Variants in LRRC40 observed in about 807,000 individuals in gnomAD.
LRRC40 encodes leucine rich repeat containing 40, also known as leucine-rich repeat-containing protein 40.
Under a neutral mutation model 72.8 loss-of-function variants are expected in LRRC40, and 76 were observed. That is an observed-to-expected ratio of 1.04 (90% CI 0.87 to 1.26). LRRC40 has a LOEUF of 1.26. Ranked by LOEUF, LRRC40 falls within the 50% of genes most tolerant of loss-of-function variation. LRRC40 has a pLI of 0.00. For missense variants in LRRC40, 684 were observed against 698.9 expected, an observed-to-expected ratio of 0.98 and a Z score of 0.24; for synonymous variants, 243 against 254.2, an observed-to-expected ratio of 0.96 and a Z score of 0.42.
intron 6 of LRRC40, among the ~76,000 whole-genome samples, chr1:70,178,061 T>G (rs1668148832): frequency 6.6e-6 from 1 of 152,234 alleles, no homozygotes; most frequent in African/African-American, 2.4e-5. Flanking sequence ...ACAAATTATG[T>G]GTTAACCATT....
At chr1:70,195,317 G>A (rs747244644) in intron 1 of LRRC40, among the ~76,000 whole-genome samples, 48 of 151,046 alleles carry the variant, frequency 3.2e-4, no homozygotes, top group Non-Finnish European at 6.3e-4. Context: ...TATCTGAGAC[G>A]GAATTGTATC....
chr1:70,173,227 T>C (rs1288343045), intron 9 of LRRC40, among the ~76,000 whole-genome samples: 1 of 152,048 alleles, frequency 6.6e-6, no homozygotes, highest in Non-Finnish European at 1.5e-5. Flanking sequence ...AATTTCCTAA[T>C]TGGCAGACTT....
intron 4 of LRRC40, among the ~76,000 whole-genome samples, chr1:70,184,205 G>A (rs981026443): frequency 5.9e-5 from 9 of 152,076 alleles, no homozygotes; most frequent in Non-Finnish European, 1.3e-4. Context: ...GCGAGATTGC[G>A]CCACTGCACT....
At chr1:70,181,379 A>T (rs1164045727) in intron 4 of LRRC40, among the ~76,000 whole-genome samples, 170 bp from the exon 5 acceptor site, 2 of 152,134 alleles carry the variant, frequency 1.3e-5, no homozygotes, top group Non-Finnish European at 2.9e-5. Context: ...ATCATCATTC[A>T]TTTCAAGATT....
At chr1:70,153,530 G>A (rs910087370) in intron 11 of LRRC40, among the ~76,000 whole-genome samples, 1 of 151,892 alleles carries the variant, frequency 6.6e-6, no homozygotes, top group East Asian at 1.9e-4. Context: ...TTGATATATC[G>A]AGTCAAACTC....
At chr1:70,178,779 G>T in intron 6 of LRRC40, 72 bp downstream of exon 6, 1 of 954,566 alleles carries the variant, frequency 1.0e-6, no homozygotes, top group Non-Finnish European at 1.5e-6. Flanking sequence ...AACAAGATTA[G>T]CTCCTTTAAA....
Position 70,145,217 on chromosome 1 carries a change from T to A in LRRC40, c.*583A>T, listed in dbSNP as rs1667254997. 6.6e-6 allele frequency: 1 copy of A among 152,176 alleles called. No homozygotes were observed. The highest frequency in any genetic ancestry group is 2.1e-4 in the South Asian group (1 of 4,832). The allele number at this position is 152,176 out of a possible 1,614,324, so 9.4% of individuals were successfully genotyped here. On this transcript the variant is annotated 3_prime_UTR_variant, in exon 15 of 15. Coordinates refer to ENST00000370952, the MANE Select transcript of LRRC40 (RefSeq NM_017768.5). ...TATCATGGGTAATGAAAAGTCTTAT[T>A]TTTAATATATTTTTGTTTCCTTTTT...
intron 5 of LRRC40, among the ~76,000 whole-genome samples, chr1:70,179,946 A>G (rs570330161): frequency 6.6e-5 from 10 of 152,226 alleles, no homozygotes; most frequent in African/African-American, 2.4e-4. Flanking sequence ...AAACAACACA[A>G]TTTTAGAAAT....
intron 9 of LRRC40, among the ~76,000 whole-genome samples, chr1:70,161,605 T>C (rs1667764680): frequency 6.6e-6 from 1 of 151,110 alleles, no homozygotes; most frequent in Non-Finnish European, 1.5e-5. Flanking sequence ...ATTTGGTGAG[T>C]TTGGAGGGCA....
intron 9 of LRRC40, among the ~76,000 whole-genome samples, chr1:70,168,739 C>T (rs1667941074): frequency 6.6e-6 from 1 of 152,134 alleles, no homozygotes; most frequent in South Asian, 2.1e-4. Context: ...ATAACAGTAT[C>T]AGGCAAAACA....
intron 9 of LRRC40, among the ~76,000 whole-genome samples, chr1:70,170,855 A>G (rs1213414271): frequency 6.6e-6 from 1 of 152,188 alleles, no homozygotes; most frequent in Non-Finnish European, 1.5e-5. Flanking sequence ...TAAAATTCAT[A>G]TGGAATTGCA....
chr1:70,190,964 C>G (rs1273968320), intron 1 of LRRC40, among the ~76,000 whole-genome samples: 2 of 151,862 alleles, frequency 1.3e-5, no homozygotes, highest in Non-Finnish European at 2.9e-5. Context: ...TACAATTTAT[C>G]ATCATCATTG....
intron 1 of LRRC40, 127 bp downstream of exon 1, chr1:70,205,263 T>A (rs759189394): frequency 1.1e-6 from 1 of 894,246 alleles, no homozygotes; most frequent in Non-Finnish European, 1.7e-6. Context: ...GGGATTAGAT[T>A]AGAGCACAGA....
At chr1:70,152,703 T>C (rs543474384) in intron 11 of LRRC40, among the ~76,000 whole-genome samples, 160 bp from the exon 12 acceptor site, 141 of 152,298 alleles carry the variant, frequency 9.3e-4, no homozygotes, top group Middle Eastern at 6.8e-3. Flanking sequence ...AGTTTGGATA[T>C]GTAACTAATA....
rs1042273638 is a variant in LRRC40, at chr1:70,145,868, G to C, written c.1741C>G (p.Arg581Gly). Residue 581 changes from arginine to glycine, a missense_variant, in exon 15 of 15, where the codon CGA becomes GGA. Coordinates refer to ENST00000370952, the MANE Select transcript of LRRC40 (RefSeq NM_017768.5). ...LLDGNPFRVP[R>G]AAILMKGTAA... The stretch of plus-strand genomic sequence containing the variant: ...GTTCCTTTCATTAATATGGCTGCTC[G>C]AGGAACTCGGAATGGATTTCCATCC... The C allele has an allele frequency of 5.6e-6, 9 of 1,607,972 alleles. No homozygotes were observed. Among genetic ancestry groups the C allele is most frequent in the Middle Eastern group, 1.7e-4 (1 of 6,038 alleles).
intron 5 of LRRC40, among the ~76,000 whole-genome samples, chr1:70,179,462 G>C (rs530630555): frequency 2.6e-4 from 40 of 152,188 alleles, no homozygotes; most frequent in Admixed American, 7.2e-4. Context: ...ACCCCAGCCT[G>C]GGCAATTTAA....
In LRRC40 at chr1:70,173,688, G is replaced by T. The variant is rs747566912; in HGVS notation, c.999C>A (p.Asn333Lys). 2 of 1,552,848 alleles carry T rather than the reference G, an allele frequency of 1.3e-6. No individual in the cohort carries two copies. The highest frequency in any genetic ancestry group is 4.6e-5 in the East Asian group (2 of 43,884). Residue 333 changes from asparagine to lysine, a missense_variant, in exon 8 of 15, where the codon AAC becomes AAA. Coordinates refer to ENST00000370952, the MANE Select transcript of LRRC40 (RefSeq NM_017768.5). ...CTAATGCCAAAAATTTCAAATGAAG[G>T]TTCCCCAATGAATAGGGAAGACTAT... ...DISSLPYSLGNLHLKFLALEG... is the reference protein window; with the variant it reads ...DISSLPYSLGKLHLKFLALEG...
intron 4 of LRRC40, among the ~76,000 whole-genome samples, chr1:70,184,196 C>T (rs1010167330): frequency 2.0e-5 from 3 of 152,010 alleles, no homozygotes; most frequent in Admixed American, 1.3e-4. Context: ...TTGCAGTGAG[C>T]GAGATTGCGC....
intron 9 of LRRC40, among the ~76,000 whole-genome samples, chr1:70,171,371 C>G (rs1667996362): frequency 6.7e-6 from 1 of 149,772 alleles, no homozygotes; most frequent in Admixed American, 6.6e-5. Context: ...AACTTTTATA[C>G]TTCAAAGAAC....
Sources: gnomAD v4.1 joint callset for allele counts (sites outside exome capture counted in the v4.1 genomes callset) on GRCh38, gnomAD v4.1.1 for gene constraint, MANE v1.5 for transcripts, NCBI Gene and HGNC (gene_info 2026-07-23, HGNC 2026-07-21) for gene names.